The following PPP2R3B variants were observed in gnomAD, a reference collection of about 807,000 sequenced individuals.
PPP2R3B encodes the protein serine/threonine-protein phosphatase 2A regulatory subunit B'' subunit beta.
Under a neutral mutation model 72.9 loss-of-function variants are expected in PPP2R3B, and 68 were observed. The ratio of observed to expected loss-of-function variants is 0.93; its 90% CI spans 0.77 to 1.14. The LOEUF (loss-of-function observed/expected upper bound fraction) is 1.14, where lower values mean the gene tolerates loss of function less well. Among genes scored for constraint, PPP2R3B ranks in the 50% most tolerant of loss-of-function variants. PPP2R3B has a pLI of 0.00. For missense variants in PPP2R3B, 1,018 were observed against 842.0 expected (o/e 1.21, Z -2.59); for synonymous variants, 466 against 375.8 (o/e 1.24, Z -2.78).
chrX:368,622 C>A (rs183047217), intron 1 of PPP2R3B, among the ~76,000 whole-genome samples: 1 of 64,544 alleles, frequency 1.5e-5, no homozygotes, highest in African/African-American at 7.3e-5. Flanking sequence ...ACCACCCACC[C>A]TGGGCACCGA....
At position 345,505 on chromosome X, in the gene PPP2R3B, C is replaced by T; in HGVS notation, c.1036+11G>A. On this transcript the variant is annotated intron_variant, in intron 7 of 12. Transcript: ENST00000390665. ...TCCGCGCGGCCCGCCCGCCCCTGTG[C>T]CCCCACGCACCGTGGTCATTGTGCC... is the stretch of plus-strand genomic sequence containing the variant. The T allele has an allele frequency of 1.2e-6, 2 of 1,612,496 alleles. No homozygotes were observed. Among genetic ancestry groups the T allele is most frequent in the Middle Eastern group, 1.7e-4 (1 of 6,038 alleles).
chrX:361,727 A>G lies in PPP2R3B; in HGVS notation c.325-137T>C, dbSNP rs894159596. 160 of 950,168 alleles carry G rather than the reference A, an allele frequency of 1.7e-4. 1 individual carries two copies. The highest frequency in any genetic ancestry group is 2.3e-4 in the Non-Finnish European group (146 of 625,578). The allele number at this position is 950,168 out of a possible 1,614,324, so 58.9% of individuals were successfully genotyped here. ...CCCAGCCGGGAGAGGACACACTGCA[A>G]TCCCTGCGGGGGACCACACACGTAC... On this transcript the variant is annotated intron_variant, in intron 1 of 12. Coordinates refer to ENST00000390665, the MANE Select transcript of PPP2R3B (RefSeq NM_013239.5).
chrX:362,518 C>T (rs1182435971), intron 1 of PPP2R3B, among the ~76,000 whole-genome samples: 3 of 151,266 alleles, frequency 2.0e-5, no homozygotes, highest in African/African-American at 7.3e-5. Context: ...AGGCTTCGTC[C>T]TCCCCCATCA....
In PPP2R3B at chrX:340,873, A is replaced by T; in HGVS notation, c.1243T>A (p.Tyr415Asn). Residue 415 changes from tyrosine to asparagine, a missense_variant, in exon 10 of 13, where the codon TAC becomes AAC. Coordinates refer to ENST00000390665, the MANE Select transcript of PPP2R3B (RefSeq NM_013239.5). ...DGALSMFELEYFYEEQCRRLD... is the reference protein window; with the variant it reads ...DGALSMFELENFYEEQCRRLD... Reference sequence around the variant, plus strand: ...CTTCGGCACTGCTCCTCGTAGAAGTACTCGAGCTCGAACATGGACAGGGCG... The same window carrying T: ...CTTCGGCACTGCTCCTCGTAGAAGTTCTCGAGCTCGAACATGGACAGGGCG... 1 of 1,612,014 alleles carries T rather than the reference A, an allele frequency of 6.2e-7. No homozygotes were observed. The highest frequency in any genetic ancestry group is 8.5e-7 in the Non-Finnish European group (1 of 1,179,666).
rs1434096361 is a variant in PPP2R3B at position 346,794 on chromosome X, G to C, written c.718-19C>G. The C allele has an allele frequency of 6.2e-7, 1 of 1,604,720 alleles. No homozygotes were observed. Among genetic ancestry groups the C allele is most frequent in the Non-Finnish European group, 8.5e-7 (1 of 1,175,304 alleles). Reference sequence around the variant, plus strand: ...CCACGTCCTGCGGGTGGGAAGACACGAGGCGCGTGGTGTAGACGCCGGCCC... The same window carrying C: ...CCACGTCCTGCGGGTGGGAAGACACCAGGCGCGTGGTGTAGACGCCGGCCC... On this transcript the variant is annotated intron_variant, in intron 4 of 12. Coordinates refer to ENST00000390665, the MANE Select transcript of PPP2R3B (RefSeq NM_013239.5).
intron 1 of PPP2R3B, among the ~76,000 whole-genome samples, chrX:374,531 A>C (rs2071947690): frequency 6.6e-6 from 1 of 152,138 alleles, no homozygotes; most frequent in Non-Finnish European, 1.5e-5. Flanking sequence ...GCGGTGGAAA[A>C]GGGGGACGGG....
chrX:383,837 C>CAAAAAAA lies in PPP2R3B; in HGVS notation c.324+2524_324+2530dup, dbSNP rs757960788. Among the ~76,000 whole-genome samples, 91 of 45,604 alleles carry CAAAAAAA rather than the reference C, an allele frequency of 2.0e-3. 2 individuals carry two copies. Among genetic ancestry groups the CAAAAAAA allele is most frequent in the African/African-American group, 4.7e-3 (71 of 15,166 alleles). 29.9% of individuals were successfully genotyped at this position (45,604 alleles called of 152,430 possible). A position where few individuals can be genotyped will look rare whatever the true frequency, so the allele number is the denominator to read the frequency against. ...TGGGGGACAGAGCGAGACTCCGTCTCAAAAAAAAAAAAAAAAAAAAAAAAA... is the reference window on the plus strand; with the variant it reads ...TGGGGGACAGAGCGAGACTCCGTCTCAAAAAAAAAAAAAAAAAAAAAAAAAAAAAAAA... On this transcript the variant is annotated intron_variant, in intron 1 of 12. Coordinates refer to ENST00000390665, the MANE Select transcript of PPP2R3B (RefSeq NM_013239.5).
At chrX:346,652 A>C in intron 5 of PPP2R3B, 49 bp downstream of exon 5, 1 of 1,544,708 alleles carries the variant, frequency 6.5e-7, no homozygotes, top group South Asian at 1.1e-5. Context: ...CGCTGCAGAA[A>C]CACCCGCGCC....
intron 2 of PPP2R3B, among the ~76,000 whole-genome samples, chrX:360,545 C>A (rs537002971): frequency 6.6e-6 from 1 of 152,226 alleles, no homozygotes; most frequent in African/African-American, 2.4e-5. Flanking sequence ...AACAAGCAAA[C>A]CCAAAAAACA....
Position 349,645 on chromosome X carries a change from A to G in PPP2R3B, c.511-1952T>C, listed in dbSNP as rs144435469. Among the ~76,000 whole-genome samples, 141 of 152,362 alleles carry G rather than the reference A, an allele frequency of 9.3e-4. 1 individual carries two copies. The highest frequency in any genetic ancestry group is 3.3e-3 in the African/African-American group (139 of 41,596). Reference sequence around the variant, plus strand: ...TTACCAAATACGGGAATTAATAAGTATCTTCAGCAAAGTTGCTGGATCCAA... The same window carrying G: ...TTACCAAATACGGGAATTAATAAGTGTCTTCAGCAAAGTTGCTGGATCCAA... On this transcript the variant is annotated intron_variant, in intron 2 of 12. Transcript: ENST00000390665.
At chrX:347,112 G>A (rs1603056197) in intron 4 of PPP2R3B, 122 bp downstream of exon 4, 26 of 1,215,930 alleles carry the variant, frequency 2.1e-5, no homozygotes, top group South Asian at 9.8e-5. Context: ...CGGTGTAGAC[G>A]CGGACCCTCC....
chrX:367,848 T>G (rs2071756109), intron 1 of PPP2R3B, among the ~76,000 whole-genome samples: 1 of 151,972 alleles, frequency 6.6e-6, no homozygotes, highest in East Asian at 1.9e-4. Flanking sequence ...GGCTACACAT[T>G]TTTTTTTGAG....
At chrX:337,351 A>ATG (rs934481969) in intron 12 of PPP2R3B, 1 of 152,180 alleles carries the variant, frequency 6.6e-6, no homozygotes, top group Non-Finnish European at 1.5e-5. Flanking sequence ...AAGTGCTGGG[A>ATG]TGACAGGCGT....
intron 2 of PPP2R3B, among the ~76,000 whole-genome samples, chrX:351,024 G>A (rs953801394): frequency 6.6e-5 from 10 of 152,310 alleles, no homozygotes; most frequent in East Asian, 1.9e-4. Flanking sequence ...GGGGGCGTGG[G>A]GGACTGCAGA....
At chrX:378,118 C>G (rs1322313877) in intron 1 of PPP2R3B, among the ~76,000 whole-genome samples, 4 of 152,130 alleles carry the variant, frequency 2.6e-5, no homozygotes, top group Middle Eastern at 3.2e-3. Flanking sequence ...CACAGGCCAG[C>G]ACGGAATCTG....
chrX:349,107 T>C (rs1162322797), intron 2 of PPP2R3B, among the ~76,000 whole-genome samples: 7 of 152,136 alleles, frequency 4.6e-5, no homozygotes, highest in Non-Finnish European at 8.8e-5. Context: ...AAGGGTGCTA[T>C]GGCCTGAATG....
At chrX:371,598 G>A (rs1038194128) in intron 1 of PPP2R3B, among the ~76,000 whole-genome samples, 3 of 152,112 alleles carry the variant, frequency 2.0e-5, no homozygotes, top group African/African-American at 7.2e-5. Flanking sequence ...GCCGTGGAAG[G>A]CTGTGCCCGT....
chrX:375,189 G>T (rs997504644), intron 1 of PPP2R3B, among the ~76,000 whole-genome samples: 1 of 152,184 alleles, frequency 6.6e-6, no homozygotes, highest in Non-Finnish European at 1.5e-5. Context: ...CTGTCCTTGA[G>T]GATTCAGAAG....
At chrX:370,300 C>A (rs2071830038) in intron 1 of PPP2R3B, among the ~76,000 whole-genome samples, 1 of 152,170 alleles carries the variant, frequency 6.6e-6, no homozygotes, top group Admixed American at 6.5e-5. Context: ...GGCTAACATT[C>A]ACTCAGACAC....
Sources: gnomAD v4.1 joint callset for allele counts (sites outside exome capture counted in the v4.1 genomes callset) on GRCh38, gnomAD v4.1.1 for gene constraint, MANE v1.5 for transcripts, NCBI Gene and HGNC (gene_info 2026-07-23, HGNC 2026-07-21) for gene names.